Variants in CSMD2 observed in about 807,000 individuals in gnomAD.
The protein encoded by CSMD2 is CUB and sushi domain-containing protein 2.
Under a neutral mutation model 398.5 loss-of-function variants are expected in CSMD2, and 130 were observed. That is an observed-to-expected ratio of 0.33 (90% CI 0.28 to 0.38). The LOEUF is 0.38. Ranked by LOEUF, CSMD2 falls within the 10% of genes least tolerant of loss-of-function variation. CSMD2 has a pLI of 1.00. For synonymous variants in CSMD2, 1,828 were observed against 1,908.5 expected, an observed-to-expected ratio of 0.96 and a Z score of 1.10; for missense variants, 3,829 against 4,764.9, an observed-to-expected ratio of 0.80 and a Z score of 5.78.
chr1:33,999,928 C>G (rs1175621167), intron 3 of CSMD2, among the ~76,000 whole-genome samples: 1 of 152,140 alleles, frequency 6.6e-6, no homozygotes, highest in Non-Finnish European at 1.5e-5. Flanking sequence ...TTAAACAACA[C>G]TGAAAAGGGA....
At chr1:33,708,535 T>C (rs1028581132) in intron 22 of CSMD2, among the ~76,000 whole-genome samples, 3 of 151,918 alleles carry the variant, frequency 2.0e-5, no homozygotes, top group Non-Finnish European at 4.4e-5. Flanking sequence ...TCATCATCCA[T>C]GTTGACGGTC....
chr1:34,014,036 A>T (rs1023653452), intron 3 of CSMD2, among the ~76,000 whole-genome samples: 2 of 152,016 alleles, frequency 1.3e-5, no homozygotes, highest in African/African-American at 4.8e-5. Flanking sequence ...GATCCCCCCA[A>T]ACCCTGGGAG....
intron 25 of CSMD2, among the ~76,000 whole-genome samples, chr1:33,679,719 A>G (rs1330020511): frequency 6.6e-6 from 1 of 152,172 alleles, no homozygotes. Flanking sequence ...TTTATTTTTT[A>G]CTTGACTAAG....
chr1:33,775,220 C>G (rs560105672), intron 12 of CSMD2, among the ~76,000 whole-genome samples: 1 of 152,158 alleles, frequency 6.6e-6, no homozygotes, highest in African/African-American at 2.4e-5. Context: ...AAGAAAAATA[C>G]CAACATTTAA....
chr1:33,664,769 C>CT (rs1387969299), intron 25 of CSMD2, among the ~76,000 whole-genome samples: 1 of 151,756 alleles, frequency 6.6e-6, no homozygotes, highest in Non-Finnish European at 1.5e-5. Flanking sequence ...CACCACTGCA[C>CT]TCCAGCCTGG....
intron 36 of CSMD2, 123 bp from the exon 37 acceptor site, chr1:33,622,394 C>A: frequency 1.4e-6 from 1 of 697,798 alleles, no homozygotes; most frequent in South Asian, 1.6e-5. Context: ...CAGATGTCCC[C>A]AGTTATGAAA....
chr1:33,606,018 G>A, intron 41 of CSMD2: 1 of 1,602,514 alleles, frequency 6.2e-7, no homozygotes, highest in Non-Finnish European at 8.5e-7. Context: ...TTTTCAGAGG[G>A]AGTAGCTGGG....
intron 55 of CSMD2, among the ~76,000 whole-genome samples, chr1:33,554,520 T>G (rs191226711): frequency 1.8e-4 from 28 of 152,186 alleles, no homozygotes; most frequent in Non-Finnish European, 1.5e-4. Flanking sequence ...ATCCAGGACT[T>G]TCATAGCTAG....
chr1:33,923,402 G>A lies in CSMD2; in HGVS notation c.713-5101C>T, dbSNP rs183005823. 2.1e-3 allele frequency among the ~76,000 whole-genome samples: 323 copies of A among 152,206 alleles called. 1 individual carries two copies. Among genetic ancestry groups the A allele is most frequent in the Admixed American group, 7.7e-3 (117 of 15,294 alleles). ...AGTGCCTGCTCCCACTTCACCTTCC[G>A]CCATGAGTAAAAGCTCCCTGAGGCC... On this transcript the variant is annotated intron_variant, in intron 4 of 70. Coordinates refer to ENST00000373381, the MANE Select transcript of CSMD2 (RefSeq NM_001281956.2).
intron 6 of CSMD2, among the ~76,000 whole-genome samples, chr1:33,841,235 C>T (rs966563874): frequency 6.6e-6 from 1 of 152,142 alleles, no homozygotes; most frequent in South Asian, 2.1e-4. Context: ...ATCATTAGGT[C>T]AGAGTGGAAA....
intron 1 of CSMD2, among the ~76,000 whole-genome samples, chr1:34,161,288 C>T (rs1641306057): frequency 6.6e-6 from 1 of 152,148 alleles, no homozygotes; most frequent in African/African-American, 2.4e-5. Flanking sequence ...CCCAGAATTC[C>T]CATGGACCAG....
intron 13 of CSMD2, among the ~76,000 whole-genome samples, chr1:33,768,836 T>C (rs1569834927): frequency 6.6e-6 from 1 of 152,222 alleles, no homozygotes; most frequent in South Asian, 2.1e-4. Context: ...TTAAATCGTA[T>C]ACATCCAAGA....
chr1:33,962,908 A>G (rs555871936), intron 3 of CSMD2, among the ~76,000 whole-genome samples: 12 of 152,338 alleles, frequency 7.9e-5, no homozygotes, highest in Admixed American at 7.8e-4. Context: ...TTTCTCTGGA[A>G]TGCAAACTCA....
intron 5 of CSMD2, chr1:33,864,804 G>A: frequency 1.4e-6 from 2 of 1,471,486 alleles, no homozygotes; most frequent in Non-Finnish European, 1.8e-6. Flanking sequence ...TCCTGTTCCT[G>A]GTCTCATGTG....
chr1:34,147,673 G>A (rs1459861440), intron 1 of CSMD2, among the ~76,000 whole-genome samples: 2 of 152,072 alleles, frequency 1.3e-5, no homozygotes, highest in East Asian at 3.9e-4. Flanking sequence ...GTTTTTTAGT[G>A]TATTATTAAG....
chr1:33,986,080 C>G (rs1487129957), intron 3 of CSMD2, among the ~76,000 whole-genome samples: 1 of 152,172 alleles, frequency 6.6e-6, no homozygotes, highest in Non-Finnish European at 1.5e-5. Context: ...TGGCACCACC[C>G]CAGTCCAGCC....
At chr1:34,112,391 C>G (rs900312072) in intron 1 of CSMD2, among the ~76,000 whole-genome samples, 2 of 152,206 alleles carry the variant, frequency 1.3e-5, no homozygotes, top group African/African-American at 4.8e-5. Flanking sequence ...ATATAACTAC[C>G]TGCTGTCCAA....
chr1:34,030,291 T>C (rs1451897106), intron 3 of CSMD2, among the ~76,000 whole-genome samples: 1 of 152,186 alleles, frequency 6.6e-6, no homozygotes, highest in African/African-American at 2.4e-5. Flanking sequence ...TAAGTAAATT[T>C]TTTCTGTAAA....
At chr1:33,989,807 A>G (rs1646487221) in intron 3 of CSMD2, among the ~76,000 whole-genome samples, 1 of 152,172 alleles carries the variant, frequency 6.6e-6, no homozygotes, top group African/African-American at 2.4e-5. Flanking sequence ...ATCTGACGTG[A>G]CAGAAAGCAG....
Sources: allele counts gnomAD v4.1 joint callset (sites outside exome capture counted in the v4.1 genomes callset), GRCh38; gene constraint gnomAD v4.1.1; transcripts MANE v1.5; gene names NCBI Gene and HGNC (gene_info 2026-07-23, HGNC 2026-07-21).